RSRC1: variants seen among roughly 807,000 people sequenced by gnomAD.
The protein encoded by RSRC1 is arginine and serine rich coiled-coil 1, also known as serine/Arginine-related protein 53.
RSRC1 carries 39 observed loss-of-function variants against 49.1 expected under a neutral mutation model. The ratio of observed to expected loss-of-function variants is 0.79; its 90% CI spans 0.61 to 1.04. The LOEUF is 1.04. Among genes scored for constraint, RSRC1 ranks in the 50% least tolerant of loss-of-function variants. The pLI is 0.00. For missense variants in RSRC1, 388 were observed against 402.4 expected, an observed-to-expected ratio of 0.96 and a Z score of 0.31; for synonymous variants, 143 against 130.8, an observed-to-expected ratio of 1.09 and a Z score of -0.63.
Position 158,123,992 on chromosome 3 carries a change from G to T in RSRC1, c.320+1G>T. The T allele has an allele frequency of 6.3e-7, 1 of 1,581,360 alleles. No homozygotes were observed. The highest frequency in any genetic ancestry group is 8.6e-7 in the Non-Finnish European group (1 of 1,164,868). ...CTAGGTCAAAAAGCAGAACAAGAAG[G>T]TATGCCTTATTAAGTATTTATTGCT... is the stretch of plus-strand genomic sequence containing the variant. On this transcript the variant is annotated splice_donor_variant, in intron 3 of 9. Coordinates refer to ENST00000611884, the MANE Select transcript of RSRC1 (RefSeq NM_001271838.2). LOFTEE classifies it high-confidence loss of function.
At chr3:158,448,789 C>T (rs1035777142) in intron 6 of RSRC1, among the ~76,000 whole-genome samples, 1 of 151,736 alleles carries the variant, frequency 6.6e-6, no homozygotes, top group African/African-American at 2.4e-5. Context: ...TAAATCTTTG[C>T]TAGTTTGGGT....
intron 3 of RSRC1, among the ~76,000 whole-genome samples, chr3:158,149,006 A>C (rs1167854364): frequency 6.6e-6 from 1 of 151,926 alleles, no homozygotes; most frequent in Non-Finnish European, 1.5e-5. Flanking sequence ...CTGGTCTCGA[A>C]CTCCTGACCT....
intron 5 of RSRC1, among the ~76,000 whole-genome samples, chr3:158,307,904 T>A (rs1454103997): frequency 3.3e-5 from 5 of 151,966 alleles, no homozygotes; most frequent in Admixed American, 3.3e-4. Flanking sequence ...AATTTAATAA[T>A]AGTAAATAAG....
At chr3:158,366,489 C>G (rs1251885450) in intron 6 of RSRC1, among the ~76,000 whole-genome samples, 2 of 152,136 alleles carry the variant, frequency 1.3e-5, no homozygotes, top group Non-Finnish European at 2.9e-5. Flanking sequence ...GGCCTCTGTT[C>G]TGTTCCATTG....
chr3:158,284,335 T>A (rs1230322793), intron 4 of RSRC1, among the ~76,000 whole-genome samples: 3 of 151,166 alleles, frequency 2.0e-5, no homozygotes, highest in Admixed American at 6.6e-5. Context: ...CTATTGTGAA[T>A]AGTGCCACAA....
chr3:158,378,044 T>G (rs1401024916), intron 6 of RSRC1, among the ~76,000 whole-genome samples: 2 of 152,238 alleles, frequency 1.3e-5, no homozygotes, highest in African/African-American at 4.8e-5. Flanking sequence ...CTCTGAGTTT[T>G]CAGGTTGGAT....
At chr3:158,189,962 T>G (rs1720140926) in intron 3 of RSRC1, among the ~76,000 whole-genome samples, 2 of 151,970 alleles carry the variant, frequency 1.3e-5, no homozygotes, top group African/African-American at 2.4e-5. Flanking sequence ...AAATTACTAC[T>G]TTTATTACAT....
chr3:158,123,274 T>C (rs1433851979), intron 2 of RSRC1, among the ~76,000 whole-genome samples: 1 of 152,202 alleles, frequency 6.6e-6, no homozygotes, highest in Non-Finnish European at 1.5e-5. Flanking sequence ...CCCAAAATGT[T>C]GGGATTACAG....
chr3:158,290,133 C>T (rs1309515570), intron 4 of RSRC1, among the ~76,000 whole-genome samples: 1 of 152,032 alleles, frequency 6.6e-6, no homozygotes, highest in African/African-American at 2.4e-5. Context: ...CCAGTATTTA[C>T]TGAGTGACTT....
At chr3:158,454,195 A>G (rs1737197649) in intron 6 of RSRC1, among the ~76,000 whole-genome samples, 1 of 151,978 alleles carries the variant, frequency 6.6e-6, no homozygotes, top group Non-Finnish European at 1.5e-5. Context: ...TTAATTAAGA[A>G]CTTCTCTTTG....
intron 5 of RSRC1, among the ~76,000 whole-genome samples, chr3:158,347,621 C>G (rs1033858543): frequency 7.9e-5 from 12 of 152,264 alleles, no homozygotes; most frequent in South Asian, 6.2e-4. Context: ...TCATAGCCCA[C>G]TGCAACCTCA....
chr3:158,514,759 T>C (rs1237849860), intron 7 of RSRC1, among the ~76,000 whole-genome samples: 1 of 152,130 alleles, frequency 6.6e-6, no homozygotes, highest in Non-Finnish European at 1.5e-5. Flanking sequence ...TCTAAGTCTC[T>C]TTGTAGGTCA....
At chr3:158,416,656 A>G (rs1213210858) in intron 6 of RSRC1, among the ~76,000 whole-genome samples, 1 of 152,068 alleles carries the variant, frequency 6.6e-6, no homozygotes, top group Non-Finnish European at 1.5e-5. Flanking sequence ...GATGGCACAG[A>G]GGCAAGCTTC....
intron 7 of RSRC1, among the ~76,000 whole-genome samples, chr3:158,467,696 G>A (rs1560055839): frequency 6.6e-6 from 1 of 152,152 alleles, no homozygotes; most frequent in Non-Finnish European, 1.5e-5. Flanking sequence ...ATAGTTATGG[G>A]CTAAATTGTT....
At chr3:158,163,758 A>AAT (rs1354891295) in intron 3 of RSRC1, among the ~76,000 whole-genome samples, 1 of 79,888 alleles carries the variant, frequency 1.3e-5, no homozygotes, top group Non-Finnish European at 2.3e-5. Context: ...CCTTTATAGC[A>AAT]ATTTTTTTTT....
chr3:158,443,699 T>G (rs1736511823), intron 6 of RSRC1, among the ~76,000 whole-genome samples: 1 of 152,192 alleles, frequency 6.6e-6, no homozygotes, highest in African/African-American at 2.4e-5. Context: ...ACTTTTCCTT[T>G]GCATTCACAA....
At chr3:158,140,436 A>C (rs1219002611) in intron 3 of RSRC1, among the ~76,000 whole-genome samples, 1 of 152,120 alleles carries the variant, frequency 6.6e-6, no homozygotes, top group Non-Finnish European at 1.5e-5. Context: ...CACTATTACC[A>C]TTGGCCTTTC....
rs1481218641 is a variant in RSRC1, at chr3:158,287,133, T to A, written c.495-10906T>A. 2.0e-5 allele frequency among the ~76,000 whole-genome samples: 3 copies of A among 152,140 alleles called. 1 individual carries two copies. Among genetic ancestry groups the A allele is most frequent in the African/African-American group, 7.2e-5 (3 of 41,434 alleles). On this transcript the variant is annotated intron_variant, in intron 4 of 9. Coordinates refer to ENST00000611884, the MANE Select transcript of RSRC1 (RefSeq NM_001271838.2). ...GAGTCACTGCGCCTAGCCTTTTCCC[T>A]CAGTTTTAACAGCTAAAGACTTAAT...
chr3:158,179,748 A>G (rs1719470402), intron 3 of RSRC1, among the ~76,000 whole-genome samples: 5 of 152,178 alleles, frequency 3.3e-5, no homozygotes, highest in African/African-American at 9.7e-5. Flanking sequence ...TCTGGAATAA[A>G]TACCCAAGTG....
Sources: allele counts gnomAD v4.1 joint callset (sites outside exome capture counted in the v4.1 genomes callset), GRCh38; gene constraint gnomAD v4.1.1; transcripts MANE v1.5; gene names NCBI Gene and HGNC (gene_info 2026-07-23, HGNC 2026-07-21).